The following CRIM1 variants were observed in gnomAD, a reference collection of about 807,000 sequenced individuals.
The protein encoded by CRIM1 is cysteine-rich motor neuron 1 protein.
Under a neutral mutation model 116.4 loss-of-function variants are expected in CRIM1, and 32 were observed. That is an observed-to-expected ratio of 0.27 (90% CI 0.21 to 0.37). The LOEUF is 0.37. Ranked by LOEUF, CRIM1 falls within the 10% of genes least tolerant of loss-of-function variation. The pLI is 1.00. For synonymous variants in CRIM1, 590 were observed against 509.2 expected, an observed-to-expected ratio of 1.16 and a Z score of -2.13; for missense variants, 1,331 against 1,354.8, an observed-to-expected ratio of 0.98 and a Z score of 0.28.
chr2:36,513,473 G>A, intron 10 of CRIM1, 83 bp from the exon 11 acceptor site: 1 of 1,054,276 alleles, frequency 9.5e-7, no homozygotes, highest in Non-Finnish European at 1.5e-6. Flanking sequence ...TGGTGGCTGG[G>A]GTCCAGTCCA....
At chr2:36,527,472 T>C (rs1665830392) in intron 13 of CRIM1, among the ~76,000 whole-genome samples, 1 of 152,192 alleles carries the variant, frequency 6.6e-6, no homozygotes, top group South Asian at 2.1e-4. Flanking sequence ...GTTGTGACTG[T>C]ATTTCTTCTC....
chr2:36,486,793 GCTAA>G (rs1255763369), intron 7 of CRIM1, among the ~76,000 whole-genome samples: 1 of 152,158 alleles, frequency 6.6e-6, no homozygotes, highest in Non-Finnish European at 1.5e-5. Flanking sequence ...AGTCTGGAAT[GCTAA>G]CTATGTGAAT....
rs763684740 is a variant in CRIM1 at position 36,548,608 on chromosome 2, A to T, written c.3018A>T (p.Leu1006=). ...AGGTGGACAGTTCCCAGAGAATGCT[A>T]AGAATTGCAGAACCAGATGCAAGAT... ...RVQVDSSQRM[L]RIAEPDARFS... is the part of the protein sequence containing the mutation. Residue 1006 remains leucine, a synonymous_variant, in exon 17 of 17, where the codon CTA becomes CTT. Transcript: ENST00000280527. The T allele has an allele frequency of 3.1e-6, 5 of 1,613,146 alleles. No individual in the cohort carries two copies. The highest frequency in any genetic ancestry group is 3.4e-6 in the Non-Finnish European group (4 of 1,179,558).
At chr2:36,499,478 A>G (rs1460883376) in intron 8 of CRIM1, 131 bp downstream of exon 8, 16 of 922,420 alleles carry the variant, frequency 1.7e-5, no homozygotes, top group Non-Finnish European at 1.6e-6. Flanking sequence ...AGGGGAAAAA[A>G]GTTATTTTTA....
Position 36,524,671 on chromosome 2 carries a change from A to C in CRIM1, c.2428+2358A>C, listed in dbSNP as rs111509679. On this transcript the variant is annotated intron_variant, in intron 13 of 16. Transcript: ENST00000280527. ...ATTGTTGTTTTGCTACTTAATTGTTAAATTTGTAATTAGTAAATTATTCGA... is the reference window on the plus strand; with the variant it reads ...ATTGTTGTTTTGCTACTTAATTGTTCAATTTGTAATTAGTAAATTATTCGA... 3.1e-3 allele frequency among the ~76,000 whole-genome samples: 473 copies of C among 152,328 alleles called. 1 individual carries two copies. The highest frequency in any genetic ancestry group is 1.0e-2 in the African/African-American group (415 of 41,570).
intron 1 of CRIM1, among the ~76,000 whole-genome samples, chr2:36,359,758 G>A (rs1196321573): frequency 6.6e-6 from 1 of 152,124 alleles, no homozygotes; most frequent in Non-Finnish European, 1.5e-5. Context: ...GCTGGGGGTG[G>A]TAAGTGCATT....
chr2:36,531,381 G>A (rs996399248), intron 13 of CRIM1, among the ~76,000 whole-genome samples: 7 of 151,552 alleles, frequency 4.6e-5, no homozygotes, highest in African/African-American at 2.4e-5. Context: ...ATCTGGAGAT[G>A]CGTTTTTGGT....
chr2:36,476,073 AAAATT>A (rs1558346127), intron 5 of CRIM1, among the ~76,000 whole-genome samples: 3 of 152,040 alleles, frequency 2.0e-5, no homozygotes, highest in African/African-American at 7.2e-5. Context: ...TAAATCAACT[AAAATT>A]AAAGAATGAA....
At chr2:36,437,781 G>A (rs910472654) in intron 2 of CRIM1, among the ~76,000 whole-genome samples, 1 of 152,064 alleles carries the variant, frequency 6.6e-6, no homozygotes, top group South Asian at 2.1e-4. Context: ...CTTCAGGCTC[G>A]AACTGCAAAA....
At chr2:36,474,692 A>C (rs1208840504) in intron 5 of CRIM1, among the ~76,000 whole-genome samples, 1 of 151,944 alleles carries the variant, frequency 6.6e-6, no homozygotes, top group Non-Finnish European at 1.5e-5. Flanking sequence ...TACTAAAAAT[A>C]CAAAAATTAG....
intron 4 of CRIM1, among the ~76,000 whole-genome samples, chr2:36,456,679 T>A (rs557635049): frequency 6.6e-6 from 1 of 152,302 alleles, no homozygotes; most frequent in East Asian, 1.9e-4. Flanking sequence ...TGAGCTGGAC[T>A]GAGTGGCCCA....
chr2:36,390,306 T>C (rs1414275507), intron 1 of CRIM1, among the ~76,000 whole-genome samples: 1 of 152,164 alleles, frequency 6.6e-6, no homozygotes, highest in Non-Finnish European at 1.5e-5. Context: ...TTGGGGAAGG[T>C]CACTCAAGAC....
At chr2:36,531,408 T>G (rs959554092) in intron 13 of CRIM1, among the ~76,000 whole-genome samples, 9 of 151,968 alleles carry the variant, frequency 5.9e-5, no homozygotes, top group South Asian at 2.1e-4. Context: ...TTTTTTGTTT[T>G]TTTTTTTTTC....
intron 11 of CRIM1, among the ~76,000 whole-genome samples, chr2:36,515,628 T>C (rs1572907268): frequency 6.6e-6 from 1 of 152,368 alleles, no homozygotes; most frequent in East Asian, 1.9e-4. Flanking sequence ...TAAATGATAG[T>C]GTCTCTCAGA....
At chr2:36,386,721 G>C (rs1234318983) in intron 1 of CRIM1, among the ~76,000 whole-genome samples, 1 of 152,232 alleles carries the variant, frequency 6.6e-6, no homozygotes, top group Non-Finnish European at 1.5e-5. Flanking sequence ...AAGGAGATTA[G>C]ATGAACAATT....
intron 2 of CRIM1, among the ~76,000 whole-genome samples, chr2:36,423,228 T>C (rs1674201516): frequency 2.0e-5 from 3 of 152,344 alleles, no homozygotes; most frequent in Middle Eastern, 6.8e-3. Flanking sequence ...TTAAGGTAAG[T>C]AGTCCTATAC....
chr2:36,528,006 A>G (rs1665868309), intron 13 of CRIM1, among the ~76,000 whole-genome samples: 1 of 152,202 alleles, frequency 6.6e-6, no homozygotes, highest in East Asian at 1.9e-4. Flanking sequence ...CATCTATAAG[A>G]TGGCAATAAT....
At chr2:36,526,405 C>T (rs1665761665) in intron 13 of CRIM1, among the ~76,000 whole-genome samples, 1 of 152,184 alleles carries the variant, frequency 6.6e-6, no homozygotes, top group Non-Finnish European at 1.5e-5. Context: ...ACCTACTTAG[C>T]CATGCAAGAG....
intron 4 of CRIM1, among the ~76,000 whole-genome samples, chr2:36,455,440 A>G (rs1301250146): frequency 1.3e-5 from 2 of 152,206 alleles, no homozygotes; most frequent in African/African-American, 4.8e-5. Flanking sequence ...ATAGGCTACA[A>G]TTGAGGCTTA....
Sources: allele counts gnomAD v4.1 joint callset (sites outside exome capture counted in the v4.1 genomes callset), GRCh38; gene constraint gnomAD v4.1.1; transcripts MANE v1.5; gene names NCBI Gene and HGNC (gene_info 2026-07-23, HGNC 2026-07-21).